The following DNAH14 variants were observed in gnomAD, a reference collection of about 807,000 sequenced individuals.
DNAH14 encodes dynein axonemal heavy chain 14.
In DNAH14, 478 loss-of-function variants were observed where a neutral mutation model predicts 520.9. The ratio of observed to expected loss-of-function variants is 0.92; its 90% CI spans 0.85 to 0.99. The LOEUF (loss-of-function observed/expected upper bound fraction) is 0.99. DNAH14 is among the 50% of genes least tolerant of loss of function. DNAH14 has a pLI of 0.00. For synonymous variants in DNAH14, 1,581 were observed against 1,757.2 expected, an observed-to-expected ratio of 0.90 and a Z score of 2.51; for missense variants, 4,831 against 5,234.5, an observed-to-expected ratio of 0.92 and a Z score of 2.38.
chr1:225,129,689 A>T (rs2078170091), intron 27 of DNAH14, among the ~76,000 whole-genome samples: 1 of 151,814 alleles, frequency 6.6e-6, no homozygotes, highest in Admixed American at 6.6e-5. Context: ...AAAGACTTAA[A>T]CGTTAGACCT....
At chr1:225,206,715 A>G (rs974327451) in intron 40 of DNAH14, among the ~76,000 whole-genome samples, 2 of 152,178 alleles carry the variant, frequency 1.3e-5, no homozygotes, top group Non-Finnish European at 2.9e-5. Flanking sequence ...CTCACCACAT[A>G]CACATAGCCT....
Position 225,364,840 on chromosome 1 carries a change from A to G in DNAH14, c.12036A>G (p.Leu4012=). 2 of 1,549,112 alleles carry G rather than the reference A, an allele frequency of 1.3e-6. No individual in the cohort carries two copies. The highest frequency in any genetic ancestry group is 1.7e-6 in the Non-Finnish European group (2 of 1,146,116). The change falls in exon 76 of 86, where the codon TTA becomes TTG. Residue 4012 remains leucine (L), a synonymous_variant. Transcript: ENST00000682510. ...TAGACCCTGAGTTTCGGCTATGGTT[A>G]AGCTCAAAATCATACAGTTCTTTTC... ...VTIDPEFRLW[L]SSKSYSSFPI...
chr1:225,096,023 G>A (rs1002645960), intron 21 of DNAH14, among the ~76,000 whole-genome samples: 10 of 152,210 alleles, frequency 6.6e-5, no homozygotes, highest in Non-Finnish European at 7.4e-5. Flanking sequence ...CTGGAGTGCC[G>A]TGGTGCAGTC....
At chr1:225,317,767 A>G (rs992475015) in intron 60 of DNAH14, among the ~76,000 whole-genome samples, 1 of 152,210 alleles carries the variant, frequency 6.6e-6, no homozygotes, top group African/African-American at 2.4e-5. Context: ...AAATATTTAT[A>G]CAGAGTAGCT....
At chr1:225,061,777 C>A (rs1369569881) in intron 17 of DNAH14, among the ~76,000 whole-genome samples, 1 of 152,204 alleles carries the variant, frequency 6.6e-6, no homozygotes, top group East Asian at 1.9e-4. Context: ...AGCCACCACA[C>A]CTGGCTGTAT....
chr1:225,112,541 C>T (rs1573190777), intron 23 of DNAH14, among the ~76,000 whole-genome samples: 1 of 152,116 alleles, frequency 6.6e-6, no homozygotes, highest in South Asian at 2.1e-4. Flanking sequence ...TGTTATTATT[C>T]ATTTCAACCC....
intron 54 of DNAH14, among the ~76,000 whole-genome samples, chr1:225,280,249 G>A (rs1406767495): frequency 6.6e-6 from 1 of 151,984 alleles, no homozygotes; most frequent in African/African-American, 2.4e-5. Context: ...GAAATAGAAG[G>A]GGGCAGAAAA....
chr1:225,183,815 A>C (rs952255351), intron 36 of DNAH14, among the ~76,000 whole-genome samples: 3 of 152,134 alleles, frequency 2.0e-5, no homozygotes, highest in African/African-American at 7.2e-5. Flanking sequence ...CAAAATAGAA[A>C]ATCTAGAGGA....
At position 225,119,303 on chromosome 1, in the gene DNAH14, A is replaced by C. The variant is rs1356636748; in HGVS notation, c.4166+9A>C. On this transcript the variant is annotated intron_variant, in intron 26 of 85. Transcript: ENST00000682510. Reference sequence around the variant, plus strand: ...TTCGATGTGCTAAAAAAGTAAGTACAATTTTCAAATCCTAAAATTATATAT... The same window carrying C: ...TTCGATGTGCTAAAAAAGTAAGTACCATTTTCAAATCCTAAAATTATATAT... 1.3e-6 allele frequency: 2 copies of C among 1,499,128 alleles called. No homozygotes were observed. Among genetic ancestry groups the C allele is most frequent in the Non-Finnish European group, 1.8e-6 (2 of 1,119,522 alleles). The allele number at this position is 1,499,128 out of a possible 1,614,324, so 92.9% of individuals were successfully genotyped here.
chr1:225,170,440 G>T (rs1395839251), intron 36 of DNAH14, among the ~76,000 whole-genome samples: 1 of 151,740 alleles, frequency 6.6e-6, no homozygotes, highest in Non-Finnish European at 1.5e-5. Context: ...CCAAGCAAAT[G>T]GAAAACAAAA....
Position 225,273,362 on chromosome 1 carries a change from C to T in DNAH14, c.8010+237C>T, listed in dbSNP as rs562301733. Reference sequence around the variant, plus strand: ...CGGAGAATGGCGTGAACCCGGGAGGCGGAGCTTGCAGTGAGCCGATGAGCC... The same window carrying T: ...CGGAGAATGGCGTGAACCCGGGAGGTGGAGCTTGCAGTGAGCCGATGAGCC... On this transcript the variant is annotated intron_variant, in intron 52 of 85. Transcript: ENST00000682510. Among the ~76,000 whole-genome samples, 15 of 152,274 alleles carry T rather than the reference C, an allele frequency of 9.9e-5. No individual in the cohort carries two copies. The South Asian group carries it at 2.9e-3, about 29-fold the overall frequency.
At chr1:225,158,573 A>G (rs975847177) in intron 34 of DNAH14, among the ~76,000 whole-genome samples, 2 of 152,194 alleles carry the variant, frequency 1.3e-5, no homozygotes, top group South Asian at 4.1e-4. Flanking sequence ...AGTGACTGCC[A>G]TACACTGATT....
chr1:224,938,953 TCTCA>T (rs2125380001), intron 1 of DNAH14, among the ~76,000 whole-genome samples: 1 of 152,298 alleles, frequency 6.6e-6, no homozygotes, highest in Non-Finnish European at 1.5e-5. Flanking sequence ...TATCACATGT[TCTCA>T]CTCATATGTG....
At chr1:225,236,223 A>G (rs562800061) in intron 42 of DNAH14, among the ~76,000 whole-genome samples, 4 of 151,988 alleles carry the variant, frequency 2.6e-5, no homozygotes, top group African/African-American at 9.7e-5. Context: ...CTGGTACATT[A>G]TCTGTTTGTT....
chr1:225,306,057 G>T (rs2094234844), intron 58 of DNAH14, among the ~76,000 whole-genome samples: 1 of 152,224 alleles, frequency 6.6e-6, no homozygotes. Flanking sequence ...CAACTGGCCA[G>T]CAGGAAGTCC....
chr1:225,377,514 C>A, intron 79 of DNAH14, 78 bp downstream of exon 79: 1 of 1,385,654 alleles, frequency 7.2e-7, no homozygotes, highest in Non-Finnish European at 9.7e-7. Flanking sequence ...AATCCCAGCA[C>A]CTTGGGAGGC....
chr1:225,134,147 G>C (rs1438128188), intron 27 of DNAH14, among the ~76,000 whole-genome samples: 1 of 152,126 alleles, frequency 6.6e-6, no homozygotes, highest in Non-Finnish European at 1.5e-5. Context: ...GGGTTTTCTA[G>C]ATAGAGGATC....
intron 43 of DNAH14, among the ~76,000 whole-genome samples, chr1:225,244,257 G>A (rs2092143864): frequency 6.6e-6 from 1 of 152,146 alleles, no homozygotes; most frequent in South Asian, 2.1e-4. Context: ...CATTTTGCCA[G>A]TATTTTATTG....
intron 8 of DNAH14, among the ~76,000 whole-genome samples, chr1:224,977,532 CAAG>C (rs2061948964): frequency 6.6e-6 from 1 of 151,834 alleles, no homozygotes; most frequent in Non-Finnish European, 1.5e-5. Flanking sequence ...AACAATAAAT[CAAG>C]AGGAGGGAAG....
Sources: allele counts gnomAD v4.1 joint callset (sites outside exome capture counted in the v4.1 genomes callset), GRCh38; gene constraint gnomAD v4.1.1; transcripts MANE v1.5; gene names NCBI Gene and HGNC (gene_info 2026-07-23, HGNC 2026-07-21).